AKT2: variants seen among roughly 807,000 people sequenced by gnomAD.
AKT2 encodes the protein RAC-beta serine/threonine-protein kinase.
AKT2 carries 16 observed loss-of-function variants against 58.6 expected under a neutral mutation model. The observed-to-expected ratio is 0.27, with a 90% CI of 0.18 to 0.41. The LOEUF (loss-of-function observed/expected upper bound fraction) is 0.41, where lower values mean the gene tolerates loss of function less well. AKT2 is among the 10% of genes least tolerant of loss of function. The pLI is 1.00. For missense variants in AKT2, 438 were observed against 661.0 expected (o/e 0.66, Z 3.70); for synonymous variants, 253 against 254.0 (o/e 1.00, Z 0.04).
In AKT2 at chr19:40,239,791, G is replaced by T. The variant is rs184173571; in HGVS notation, c.639+254C>A. 52 of 672,190 alleles carry T rather than the reference G, an allele frequency of 7.7e-5. No individual in the cohort carries two copies. The African/African-American group carries it at 7.9e-4, about 10-fold the overall frequency. 41.6% of individuals were successfully genotyped at this position (672,190 alleles called of 1,614,324 possible). A position where few individuals can be genotyped will look rare whatever the true frequency, so the allele number is the denominator to read the frequency against. On this transcript the variant is annotated intron_variant, in intron 7 of 13. Transcript: ENST00000392038. ...ATAGAGACAGCAGCCAGCAAATAAT[G>T]TGATATCTTCAGTTAGTTCAAATGC...
chr19:40,260,014 G>A (rs535583025), intron 2 of AKT2, among the ~76,000 whole-genome samples: 5 of 152,026 alleles, frequency 3.3e-5, no homozygotes, highest in Non-Finnish European at 4.4e-5. Context: ...TTAGCCGGGC[G>A]TGGTGGCACA....
At position 40,256,956 on chromosome 19, in the gene AKT2, G is replaced by C; in HGVS notation, c.145C>G (p.Leu49Val). 2 of 1,614,206 alleles carry C rather than the reference G, an allele frequency of 1.2e-6. No homozygotes were observed. The highest frequency in any genetic ancestry group is 1.7e-6 in the Non-Finnish European group (2 of 1,180,014). The change falls in exon 3 of 14, where the codon CTA becomes GTA. Residue 49 changes from leucine to valine, a missense_variant. Coordinates refer to ENST00000392038, the MANE Select transcript of AKT2 (RefSeq NM_001626.6). ...ACGGAGAAGTTGTTTAAGGGGGGTA[G>C]AGTCTGATCAGGGGCCTCGGGCCTC... ...KERPEAPDQT[L>V]PPLNNFSVAE...
At chr19:40,249,609 A>G (rs1256984513) in intron 4 of AKT2, among the ~76,000 whole-genome samples, 3 of 152,146 alleles carry the variant, frequency 2.0e-5, no homozygotes, top group Admixed American at 2.0e-4. Context: ...TCCCCTAACC[A>G]TCACCTCCCC....
intron 1 of AKT2, among the ~76,000 whole-genome samples, chr19:40,283,676 T>A (rs1206759837): frequency 6.6e-6 from 1 of 152,122 alleles, no homozygotes; most frequent in Non-Finnish European, 1.5e-5. Context: ...GCCACAGACC[T>A]CTGGGGCTGG....
At chr19:40,276,345 CTTTTTTTTTTTTTTTTTTTTTTTTTT>C (rs748551877) in intron 1 of AKT2, among the ~76,000 whole-genome samples, 3 of 58,510 alleles carry the variant, frequency 5.1e-5, no homozygotes, top group South Asian at 7.1e-4. Context: ...AAAATGGAAT[CTTTTTTTTTTTTTTTTTTTTTTTTTT>C]TTTTTTTTTT....
intron 1 of AKT2, chr19:40,279,058 A>C (rs1009121214): frequency 6.6e-6 from 1 of 152,260 alleles, no homozygotes; most frequent in African/African-American, 2.4e-5. Context: ...CCATTCGGAA[A>C]GGGCCCACAA....
chr19:40,255,193 G>T lies in AKT2; in HGVS notation c.252C>A (p.Ile84=), dbSNP rs868782526. The T allele has an allele frequency of 2.5e-6, 4 of 1,613,982 alleles. No individual in the cohort carries two copies. Residue 84 remains isoleucine, a synonymous_variant, in exon 4 of 14, where the codon ATC becomes ATA. Transcript: ENST00000392038. ...GAGAATCCACGTGGAAGGTCCTCTC[G>T]ATGACTGTGGTCCACTGCAGGCAGC... is the stretch of plus-strand genomic sequence containing the variant. ...VIRCLQWTTV[I]ERTFHVDSPD...
At chr19:40,246,986 C>CAA (rs1249650890) in intron 4 of AKT2, among the ~76,000 whole-genome samples, 2 of 152,244 alleles carry the variant, frequency 1.3e-5, no homozygotes, top group Admixed American at 6.5e-5. Context: ...GGGCCTACCC[C>CAA]ACCTACCCTG....
Position 40,237,868 on chromosome 19 carries a change from A to T in AKT2, c.831+101T>A. On this transcript the variant is annotated intron_variant, in intron 9 of 13. Transcript: ENST00000392038. This position sits in a 1 kb window ranked among gnomAD's most constrained non-coding sequence, Gnocchi z 4.5. ...GCCACCACCCTGGACCTTGGTGGGG[A>T]GCCTGGCGAATGAGGGCAGAAGCTC... 6.5e-7 allele frequency: 1 copy of T among 1,538,864 alleles called. No homozygotes were observed. Among genetic ancestry groups the T allele is most frequent in the Non-Finnish European group, 8.8e-7 (1 of 1,136,678 alleles).
chr19:40,253,696 A>C (rs1048552077), intron 4 of AKT2, among the ~76,000 whole-genome samples: 4 of 152,160 alleles, frequency 2.6e-5, no homozygotes, highest in African/African-American at 7.2e-5. Context: ...TCCTGCATCT[A>C]AGCACTCGTC....
intron 2 of AKT2, among the ~76,000 whole-genome samples, chr19:40,257,673 T>G (rs762044743): frequency 3.3e-5 from 5 of 150,670 alleles, no homozygotes; most frequent in Non-Finnish European, 5.9e-5. Flanking sequence ...GTGAAACACA[T>G]CCACACAAAA....
Position 40,265,647 on chromosome 19 carries a change from T to C in AKT2, c.-84-296A>G, listed in dbSNP as rs542585656. Reference sequence around the variant, plus strand: ...TGGCCCCTCCACCCACAGTCACTCCTGACTGAGCAAGCATCAAGGTAGCCG... The same window carrying C: ...TGGCCCCTCCACCCACAGTCACTCCCGACTGAGCAAGCATCAAGGTAGCCG... On this transcript the variant is annotated intron_variant, in intron 1 of 13. Coordinates refer to ENST00000392038, the MANE Select transcript of AKT2 (RefSeq NM_001626.6). 1.1e-4 allele frequency: 42 copies of C among 381,440 alleles called. 2 individuals are homozygous for C. The highest frequency in any genetic ancestry group is 1.0e-3 in the South Asian group (42 of 40,270). The allele number at this position is 381,440 out of a possible 1,614,324, so 23.6% of individuals were successfully genotyped here. A position where few individuals can be genotyped will look rare whatever the true frequency, so the allele number is the denominator to read the frequency against.
intron 1 of AKT2, chr19:40,279,553 T>G (rs2145431155): frequency 6.6e-6 from 1 of 151,438 alleles, no homozygotes; most frequent in East Asian, 2.0e-4. Flanking sequence ...TGAAAGACAC[T>G]CCTTTCCATC....
intron 1 of AKT2, chr19:40,279,540 G>A (rs895663432): frequency 6.6e-6 from 1 of 152,086 alleles, no homozygotes; most frequent in Non-Finnish European, 1.5e-5. Context: ...TGGAGCTCAA[G>A]TCTGAAAGAC....
chr19:40,235,405 A>C lies in AKT2; in HGVS notation c.1176-55T>G. 6.4e-7 allele frequency: 1 copy of C among 1,571,630 alleles called. No individual in the cohort carries two copies. Among genetic ancestry groups the C allele is most frequent in the Non-Finnish European group, 8.7e-7 (1 of 1,144,548 alleles). ...TCCCGGAGCAGCTGGGTTCGGGCAG[A>C]CGGGCTTTCGGAGCAGGCAGGCCCT... On this transcript the variant is annotated intron_variant, in intron 11 of 13. Transcript: ENST00000392038. This position sits in a 1 kb window ranked among gnomAD's most constrained non-coding sequence, Gnocchi z 6.3.
chr19:40,234,976 A>G lies in AKT2; in HGVS notation c.1366+69T>C, dbSNP rs774542556. On this transcript the variant is annotated intron_variant, in intron 13 of 13. Transcript: ENST00000392038. This position sits in a 1 kb window ranked among gnomAD's most constrained non-coding sequence, Gnocchi z 4.7. The stretch of plus-strand genomic sequence containing the variant: ...CTTCGAGGGCCCTCCTTGAGAAGTG[A>G]GTTAAGAGCAGATCCCATCCCTCCA... The G allele has an allele frequency of 7.3e-7, 1 of 1,374,560 alleles. No individual in the cohort carries two copies. Among genetic ancestry groups the G allele is most frequent in the Non-Finnish European group, 1.0e-6 (1 of 964,380 alleles). 85.1% of individuals were successfully genotyped at this position (1,374,560 alleles called of 1,614,324 possible).
intron 9 of AKT2, chr19:40,236,639 A>C: frequency 1.8e-6 from 1 of 547,550 alleles, no homozygotes; most frequent in Non-Finnish European, 3.3e-6. Context: ...CTGTCCACCC[A>C]CCGTCCCCAT....
At chr19:40,264,865 C>A (rs1976230678) in intron 2 of AKT2, among the ~76,000 whole-genome samples, 1 of 152,180 alleles carries the variant, frequency 6.6e-6, no homozygotes, top group Non-Finnish European at 1.5e-5. Context: ...GTCTCGGAGC[C>A]CGGGGCTATC....
At chr19:40,250,117 A>G (rs1017197887) in intron 4 of AKT2, among the ~76,000 whole-genome samples, 5 of 152,250 alleles carry the variant, frequency 3.3e-5, no homozygotes, top group Non-Finnish European at 5.9e-5. Flanking sequence ...TGGATCATAC[A>G]GGACTCTGCA....
Sources: gnomAD v4.1 joint callset for allele counts (sites outside exome capture counted in the v4.1 genomes callset) on GRCh38, gnomAD v4.1.1 for gene constraint, Gnocchi (gnomAD v3.1) non-coding constraint, MANE v1.5 for transcripts, NCBI Gene and HGNC (gene_info 2026-07-23, HGNC 2026-07-21) for gene names.